P2RX5: variants seen among roughly 807,000 people sequenced by gnomAD.
The protein encoded by P2RX5 is purinergic receptor P2X 5.
A neutral mutation model predicts 54.1 loss-of-function variants in P2RX5; 46 were observed. That is an observed-to-expected ratio of 0.85 (90% CI 0.67 to 1.09). P2RX5 has a LOEUF of 1.09. Ranked by LOEUF, P2RX5 falls within the 50% of genes least tolerant of loss-of-function variation. The pLI, the probability that P2RX5 is intolerant of heterozygous loss-of-function variation, is 0.00. For missense variants in P2RX5, 566 were observed against 549.8 expected, an observed-to-expected ratio of 1.03 and a Z score of -0.29; for synonymous variants, 226 against 226.4, an observed-to-expected ratio of 1.00 and a Z score of 0.02.
chr17:3,700,011 GA>G (rs1250521896), upstream of P2RX5, among the ~76,000 whole-genome samples: 1 of 152,140 alleles, frequency 6.6e-6, no homozygotes, highest in Admixed American at 6.5e-5. Context: ...GGTGTTATGT[GA>G]AACTTTTGTT....
rs1063497 is a variant in P2RX5 at position 3,673,852 on chromosome 17, C to G, written c.*16G>C. 2 of 1,612,874 alleles carry G rather than the reference C, an allele frequency of 1.2e-6. No individual in the cohort carries two copies. Among genetic ancestry groups the G allele is most frequent in the South Asian group, 1.1e-5 (1 of 90,992 alleles). On this transcript the variant is annotated 3_prime_UTR_variant, in exon 12 of 12. Transcript: ENST00000225328. ...GGCTGGGTTTAGGACAGGGCCTGAA[C>G]GTAAGCAGAGGCAATTCACGTGCTC...
chr17:3,706,202 C>T, the P2RX5 span, among the ~76,000 whole-genome samples: 1 of 152,080 alleles, frequency 6.6e-6, no homozygotes, highest in Non-Finnish European at 1.5e-5. Context: ...ATCTGCCTGC[C>T]TCAGCCTCCC....
At chr17:3,710,360 G>A in the P2RX5 span, among the ~76,000 whole-genome samples, 1 of 151,690 alleles carries the variant, frequency 6.6e-6, no homozygotes, top group Non-Finnish European at 1.5e-5. Context: ...CTGGGAGGCG[G>A]AGGTTGCAGT....
intron 1 of P2RX5, among the ~76,000 whole-genome samples, chr17:3,692,645 C>T (rs879612983): frequency 3.9e-5 from 6 of 152,074 alleles, no homozygotes; most frequent in Admixed American, 3.3e-4. Context: ...AGTTTGAGAC[C>T]AGCCGGGGCA....
At chr17:3,685,778 C>CG (rs1380130376) in intron 9 of P2RX5, among the ~76,000 whole-genome samples, 1 of 14,930 alleles carries the variant, frequency 6.7e-5, no homozygotes, top group African/African-American at 9.7e-5. Context: ...CAACGTCCCC[C>CG]GCCCCCCGCC....
chr17:3,680,855 C>T (rs1380633328), intron 10 of P2RX5, among the ~76,000 whole-genome samples: 5 of 140,508 alleles, frequency 3.6e-5, no homozygotes, highest in African/African-American at 1.4e-4. Context: ...CTGCATCCTC[C>T]ACCCTGAGTC....
At position 3,691,044 on chromosome 17, in the gene P2RX5, G is replaced by A. The variant is rs748421694; in HGVS notation, c.289-17C>T. ...GTTCTCTCCCTAAGGAACCAGAGAG[G>A]CACTGAGGAACCTCCTCCTGCCCCT... On this transcript the variant is annotated splice_polypyrimidine_tract_variant and intron_variant, in intron 2 of 11. Coordinates refer to ENST00000225328, the MANE Select transcript of P2RX5 (RefSeq NM_002561.4). 1.9e-6 allele frequency: 3 copies of A among 1,599,152 alleles called. No individual in the cohort carries two copies. The East Asian group carries it at 6.7e-5, about 36-fold the overall frequency.
chr17:3,723,794 T>A, the P2RX5 span: 1 of 1,596,860 alleles, frequency 6.3e-7, no homozygotes, highest in Non-Finnish European at 8.5e-7. Context: ...AAGCCGCCAG[T>A]TTTCCGTCCC....
At chr17:3,700,658 GT>G (rs1387333525), upstream of P2RX5, among the ~76,000 whole-genome samples, 1 of 152,202 alleles carries the variant, frequency 6.6e-6, no homozygotes, top group Non-Finnish European at 1.5e-5. Flanking sequence ...CAAATCGCAT[GT>G]TGAAATGTGA....
the P2RX5 span, among the ~76,000 whole-genome samples, chr17:3,706,112 G>A: frequency 1.3e-5 from 2 of 152,024 alleles, no homozygotes; most frequent in East Asian, 1.9e-4. Flanking sequence ...GCACCACCAC[G>A]CCTGGCTAAT....
In P2RX5 at chr17:3,677,593, A is replaced by G. The variant is rs752463781; in HGVS notation, c.1259+1997T>C. On this transcript the variant is annotated intron_variant, in intron 11 of 11. Coordinates refer to ENST00000225328, the MANE Select transcript of P2RX5 (RefSeq NM_002561.4). ...CGGCAGGGATTTCGGAAACCCTGCT[A>G]GAGGCTAGAGGAAGGCCAGCTGGAG... 6.4e-4 allele frequency: 634 copies of G among 985,288 alleles called. 1 individual carries two copies. Among genetic ancestry groups the G allele is most frequent in the Non-Finnish European group, 6.8e-4 (566 of 829,924 alleles). The allele number at this position is 985,288 out of a possible 1,614,324, so 61.0% of individuals were successfully genotyped here.
chr17:3,683,374 C>A (rs768740979), intron 9 of P2RX5, among the ~76,000 whole-genome samples: 2 of 152,234 alleles, frequency 1.3e-5, no homozygotes, highest in Non-Finnish European at 2.9e-5. Flanking sequence ...CCTCTTCCTG[C>A]GCCATTACTT....
chr17:3,703,625 C>G, the P2RX5 span, among the ~76,000 whole-genome samples: 1 of 152,130 alleles, frequency 6.6e-6, no homozygotes, highest in Non-Finnish European at 1.5e-5. Flanking sequence ...CATCACTGTT[C>G]CCAGCAGCAG....
the P2RX5 span, chr17:3,723,243 T>G: frequency 1.6e-6 from 2 of 1,263,200 alleles, no homozygotes; most frequent in South Asian, 1.2e-5. Context: ...GCGATGCCCG[T>G]GAGCAACTGG....
At position 3,695,964 on chromosome 17, in the gene P2RX5, G is replaced by A. The variant is rs764662654; in HGVS notation, c.42C>T (p.Phe14=). 12 of 1,613,978 alleles carry A rather than the reference G, an allele frequency of 7.4e-6. No individual in the cohort carries two copies. The East Asian group carries it at 2.7e-4, about 36-fold the overall frequency. The change falls in exon 1 of 12, where the codon TTC becomes TTT. Residue 14 remains phenylalanine (F), a synonymous_variant. Coordinates refer to ENST00000225328, the MANE Select transcript of P2RX5 (RefSeq NM_002561.4). The part of the protein sequence containing the change: ...AGCKGLCLSL[F]DYKTEKYVIA... ...TGACATACTTCTCGGTCTTGTAGTC[G>A]AACAGCGACAGGCAGAGCCCCTTGC...
the P2RX5 span, among the ~76,000 whole-genome samples, chr17:3,723,063 G>A: frequency 6.6e-6 from 1 of 152,208 alleles, no homozygotes; most frequent in Non-Finnish European, 1.5e-5. Context: ...GGGGATGTAG[G>A]AAAGAGGAGT....
Position 3,689,588 on chromosome 17 carries a change from T to G in P2RX5, c.657A>C (p.Ser219=), listed in dbSNP as rs2050544575. The G allele has an allele frequency of 5.0e-6, 8 of 1,614,144 alleles. No individual in the cohort carries two copies. The highest frequency in any genetic ancestry group is 4.0e-5 in the African/African-American group (3 of 75,044). The part of the protein sequence containing the change: ...MDVKDRSFLK[S]CHFGPKNHYC... ...AGTGGTTCTTGGGGCCAAAGTGGCA[T>G]GATTTCAGGAAAGATCTGTCCTTGA... The change falls in exon 7 of 12, where the codon TCA becomes TCC. Residue 219 remains serine (S), a synonymous_variant. Transcript: ENST00000225328.
At position 3,688,697 on chromosome 17, in the gene P2RX5, G is replaced by C; in HGVS notation, c.816C>G (p.Cys272Trp). ...GACGGCTAAAAGAATAGTGAGGGTG[G>C]CACTCAGAGGCAGCTTTATCAAGAT... Reference protein sequence around the residue: ...NCDLDKAASECHPHYSFSRLD... With the variant: ...NCDLDKAASEWHPHYSFSRLD... The change falls in exon 8 of 12, where the codon TGC (cysteine) becomes TGG (tryptophan). Residue 272 changes from cysteine to tryptophan, a missense_variant. Coordinates refer to ENST00000225328, the MANE Select transcript of P2RX5 (RefSeq NM_002561.4). The C allele has an allele frequency of 6.2e-7, 1 of 1,612,826 alleles. No individual in the cohort carries two copies. Among genetic ancestry groups the C allele is most frequent in the Non-Finnish European group, 8.5e-7 (1 of 1,178,822 alleles).
Position 3,684,557 on chromosome 17 carries a change from A to G in P2RX5, c.982-2579T>C, listed in dbSNP as rs113686166. 8.4e-3 allele frequency among the ~76,000 whole-genome samples: 1,274 copies of G among 152,338 alleles called. 14 individuals carry two copies. The highest frequency in any genetic ancestry group is 0.029 in the African/African-American group (1,197 of 41,578). ...TTCAAGACTGCAGTGAGCCATGATC[A>G]TGCCACTGCACTCCAGCCTGGGCAA... On this transcript the variant is annotated intron_variant, in intron 9 of 11. Coordinates refer to ENST00000225328, the MANE Select transcript of P2RX5 (RefSeq NM_002561.4).
Sources: allele counts gnomAD v4.1 joint callset (sites outside exome capture counted in the v4.1 genomes callset), GRCh38; gene constraint gnomAD v4.1.1; transcripts MANE v1.5; gene names NCBI Gene and HGNC (gene_info 2026-07-23, HGNC 2026-07-21).